Variants in SLC6A16 observed in about 807,000 individuals in gnomAD.
SLC6A16 encodes the protein orphan sodium- and chloride-dependent neurotransmitter transporter NTT5.
In SLC6A16, 54 loss-of-function variants were observed where a neutral mutation model predicts 65.4. The observed-to-expected ratio is 0.83, with a 90% CI of 0.66 to 1.04. SLC6A16 has a LOEUF of 1.04. Ranked by LOEUF, SLC6A16 falls within the 50% of genes least tolerant of loss-of-function variation. SLC6A16 has a pLI of 0.00. For missense variants in SLC6A16, 816 were observed against 914.0 expected (o/e 0.89, Z 1.38); for synonymous variants, 330 against 346.5 (o/e 0.95, Z 0.53).
chr19:49,326,891 C>T (rs1036314701), upstream of SLC6A16, among the ~76,000 whole-genome samples: 1 of 151,856 alleles, frequency 6.6e-6, no homozygotes, highest in Non-Finnish European at 1.5e-5. Flanking sequence ...TGGTGGTGCA[C>T]GCCTGTAATC....
chr19:49,333,729 G>C, the SLC6A16 span, among the ~76,000 whole-genome samples: 1 of 152,156 alleles, frequency 6.6e-6, no homozygotes, highest in Admixed American at 6.5e-5. Context: ...GGAGGGATCT[G>C]GCTAAGAGAC....
At chr19:49,291,570 A>T (rs771474516) in intron 10 of SLC6A16, among the ~76,000 whole-genome samples, 2 of 152,094 alleles carry the variant, frequency 1.3e-5, no homozygotes, top group African/African-American at 2.4e-5. Context: ...GACTCCAAGA[A>T]CCACTATCAG....
chr19:49,302,126 C>T (rs1235116014), intron 7 of SLC6A16, among the ~76,000 whole-genome samples: 1 of 152,202 alleles, frequency 6.6e-6, no homozygotes, highest in Non-Finnish European at 1.5e-5. Context: ...CTTAGTCAAC[C>T]CCAGCCCCTG....
intron 9 of SLC6A16, 111 bp from the exon 10 acceptor site, chr19:49,293,493 G>T: frequency 9.7e-7 from 1 of 1,034,742 alleles, no homozygotes. Context: ...AGCCGGGCGA[G>T]GGGGCTTACA....
At chr19:49,337,985 G>C in the SLC6A16 span, 1 of 1,614,048 alleles carries the variant, frequency 6.2e-7, no homozygotes, top group Non-Finnish European at 8.5e-7. Flanking sequence ...CACCAACCCC[G>C]AGGAGACCGC....
the SLC6A16 span, chr19:49,335,373 C>T: frequency 1.4e-5 from 9 of 630,310 alleles, no homozygotes; most frequent in Admixed American, 8.3e-5. This position sits in a 1 kb window ranked among gnomAD's most constrained non-coding sequence, Gnocchi z 4.6. Flanking sequence ...TTACATGAAG[C>T]GGGAGTGGGT....
At chr19:49,330,068 T>C (rs1242437424), upstream of SLC6A16, among the ~76,000 whole-genome samples, 1 of 151,084 alleles carries the variant, frequency 6.6e-6, no homozygotes, top group Non-Finnish European at 1.5e-5. Flanking sequence ...CAATGAGTCA[T>C]GATCGTGCCA....
rs1212699126 is a variant in SLC6A16, at chr19:49,289,981, T to C, written c.*142A>G. 1.2e-6 allele frequency: 1 copy of C among 820,816 alleles called. No homozygotes were observed. The highest frequency in any genetic ancestry group is 1.7e-5 in the African/African-American group (1 of 58,126). 50.8% of individuals were successfully genotyped at this position (820,816 alleles called of 1,614,324 possible). A position where few individuals can be genotyped will look rare whatever the true frequency, so the allele number is the denominator to read the frequency against. On this transcript the variant is annotated 3_prime_UTR_variant, in exon 12 of 12. Transcript: ENST00000335875. Reference sequence around the variant, plus strand: ...GAAGGGATTGCAAGTCCAGGCCCCATGAACACCCCCAAAGAATGCCCCTCC... The same window carrying C: ...GAAGGGATTGCAAGTCCAGGCCCCACGAACACCCCCAAAGAATGCCCCTCC...
upstream of SLC6A16, among the ~76,000 whole-genome samples, chr19:49,328,212 GA>G (rs1002435084): frequency 3.3e-5 from 5 of 152,114 alleles, no homozygotes; most frequent in African/African-American, 1.2e-4. Flanking sequence ...CTTGGCTGGG[GA>G]GGCCTCAGGA....
the SLC6A16 span, among the ~76,000 whole-genome samples, chr19:49,330,229 G>A: frequency 1.3e-5 from 2 of 152,266 alleles, no homozygotes; most frequent in South Asian, 2.1e-4. Context: ...CAATAGTTTC[G>A]TTTTGGGCGT....
Position 49,296,866 on chromosome 19 carries a change from G to A in SLC6A16, c.1230-2313C>T, listed in dbSNP as rs552080440. On this transcript the variant is annotated intron_variant, in intron 7 of 11. Coordinates refer to ENST00000335875, the MANE Select transcript of SLC6A16 (RefSeq NM_014037.3). ...TAGCCAAGCGTGATGGCGGGCGCCT[G>A]TAGTCCCAGCTACTTGGGAGACTGA... Among the ~76,000 whole-genome samples, 9 of 152,280 alleles carry A rather than the reference G, an allele frequency of 5.9e-5. No individual in the cohort carries two copies. The South Asian group carries it at 1.7e-3, about 28-fold the overall frequency.
intron 9 of SLC6A16, 114 bp downstream of exon 9, chr19:49,293,713 G>A (rs548411881): frequency 4.4e-5 from 40 of 917,010 alleles, no homozygotes; most frequent in East Asian, 1.9e-4. Flanking sequence ...GCAGTAAGCC[G>A]AGATCACACC....
At chr19:49,337,228 T>C in the SLC6A16 span, 4 of 1,613,334 alleles carry the variant, frequency 2.5e-6, no homozygotes, top group Non-Finnish European at 3.4e-6. Context: ...CCAGGTGAGC[T>C]TCCTGCAGTG....
At chr19:49,313,780 G>C (rs1223081454) in intron 1 of SLC6A16, among the ~76,000 whole-genome samples, 3 of 151,936 alleles carry the variant, frequency 2.0e-5, no homozygotes, top group Admixed American at 6.6e-5. Context: ...AGGTGACAGA[G>C]TAAGACTCTG....
At chr19:49,326,282 C>G (rs566448428), upstream of SLC6A16, among the ~76,000 whole-genome samples, 30 of 152,262 alleles carry the variant, frequency 2.0e-4, no homozygotes, top group South Asian at 4.1e-4. Context: ...ATTCTCATAT[C>G]TGCTTCTGCA....
intron 1 of SLC6A16, among the ~76,000 whole-genome samples, chr19:49,311,652 C>A (rs1970524969): frequency 6.6e-6 from 1 of 151,818 alleles, no homozygotes; most frequent in African/African-American, 2.4e-5. Context: ...AGTTCGAGAC[C>A]AGCCCGGCCA....
upstream of SLC6A16, among the ~76,000 whole-genome samples, chr19:49,328,209 G>A (rs969735709): frequency 2.6e-5 from 4 of 152,224 alleles, no homozygotes; most frequent in African/African-American, 4.8e-5. Flanking sequence ...CAGCTTGGCT[G>A]GGGAGGCCTC....
chr19:49,309,487 C>A, intron 5 of SLC6A16, 76 bp from the exon 6 acceptor site: 1 of 1,356,944 alleles, frequency 7.4e-7, no homozygotes, highest in Non-Finnish European at 1.0e-6. Context: ...ATCAAAAGTT[C>A]TGAGTCAGAA....
chr19:49,337,283 G>A, the SLC6A16 span: 1 of 1,479,596 alleles, frequency 6.8e-7, no homozygotes, highest in Non-Finnish European at 9.4e-7. Flanking sequence ...GGGAGTGGTG[G>A]GAGAGGGTGG....
Sources: allele counts gnomAD v4.1 joint callset (sites outside exome capture counted in the v4.1 genomes callset), GRCh38; gene constraint gnomAD v4.1.1; non-coding constraint Gnocchi (gnomAD v3.1); transcripts MANE v1.5; gene names NCBI Gene and HGNC (gene_info 2026-07-23, HGNC 2026-07-21).